The following SLC6A5 variants were observed in gnomAD, a reference collection of about 807,000 sequenced individuals.
The protein encoded by SLC6A5 is sodium- and chloride-dependent glycine transporter 2.
A neutral mutation model predicts 90.5 loss-of-function variants in SLC6A5; 58 were observed. The ratio of observed to expected loss-of-function variants is 0.64; its 90% CI spans 0.52 to 0.80. SLC6A5 has a LOEUF of 0.80. SLC6A5 is among the 30% of genes least tolerant of loss of function. The pLI is 0.00. For synonymous variants in SLC6A5, 427 were observed against 401.4 expected (o/e 1.06, Z -0.76); for missense variants, 1,015 against 1,017.6 (o/e 1.00, Z 0.03).
rs1853097864 is a variant in SLC6A5, at chr11:20,630,911, A to G, written c.1624+96A>G. The G allele has an allele frequency of 2.8e-6, 4 of 1,426,348 alleles. No homozygotes were observed. The Admixed American group carries it at 7.6e-5, about 27-fold the overall frequency. The allele number at this position is 1,426,348 out of a possible 1,614,324, so 88.4% of individuals were successfully genotyped here. A position where few individuals can be genotyped will look rare whatever the true frequency, so the allele number is the denominator to read the frequency against. On this transcript the variant is annotated intron_variant, in intron 10 of 15. Coordinates refer to ENST00000525748, the MANE Select transcript of SLC6A5 (RefSeq NM_004211.5). ...CTATGCTGGGAAGCTGGCCTTCTGG[A>G]ACAGGATAGAGGGTGGAGGAGCCCA...
At chr11:20,617,926 C>G in intron 7 of SLC6A5, 42 bp downstream of exon 7, 1 of 1,606,778 alleles carries the variant, frequency 6.2e-7, no homozygotes, top group African/African-American at 1.3e-5. Context: ...GTGAGACACC[C>G]AGGGGCGGTT....
intron 7 of SLC6A5, among the ~76,000 whole-genome samples, chr11:20,621,905 G>A (rs1852897590): frequency 6.6e-6 from 1 of 152,220 alleles, no homozygotes; most frequent in South Asian, 2.1e-4. Flanking sequence ...CAGGCAGCCT[G>A]AAGGTCAAAT....
Position 20,614,729 on chromosome 11 carries a change from T to C in SLC6A5, c.1036T>C (p.Phe346Leu), listed in dbSNP as rs1852752844. Residue 346 changes from phenylalanine (F) to leucine (L), a missense_variant, in exon 6 of 16, where the codon TTC becomes CTC. This residue lies in a region of SLC6A5 where 567 missense variants were observed against 507.3 expected (regional missense o/e 1.12). Transcript: ENST00000525748. ...CAAAATACAGATCAAGAACTCGACT[T>C]TCTGCATGACCGCTTATCCCAACGT... ...HPKIQIKNST[F>L]CMTAYPNVTM... 6.2e-7 allele frequency: 1 copy of C among 1,614,038 alleles called. No individual in the cohort carries two copies. The highest frequency in any genetic ancestry group is 8.5e-7 in the Non-Finnish European group (1 of 1,179,854).
rs570699830 is a variant in SLC6A5 at position 20,655,131 on chromosome 11, C to T, written c.*263C>T. Reference sequence around the variant, plus strand: ...TTGGTCCCCTGACCACACGTTTTACCCTGCAGAGGAGGATCAGTTAGGTGA... The same window carrying T: ...TTGGTCCCCTGACCACACGTTTTACTCTGCAGAGGAGGATCAGTTAGGTGA... On this transcript the variant is annotated 3_prime_UTR_variant, in exon 16 of 16. Coordinates refer to ENST00000525748, the MANE Select transcript of SLC6A5 (RefSeq NM_004211.5). 1.2e-3 allele frequency: 567 copies of T among 474,276 alleles called. 2 individuals are homozygous for T. Among genetic ancestry groups the T allele is most frequent in the Non-Finnish European group, 1.9e-3 (477 of 254,832 alleles). The allele number at this position is 474,276 out of a possible 1,614,324, so 29.4% of individuals were successfully genotyped here.
intron 10 of SLC6A5, among the ~76,000 whole-genome samples, chr11:20,634,887 C>A (rs1853174572): frequency 6.6e-6 from 1 of 152,152 alleles, no homozygotes. Context: ...TCCCGGCGCC[C>A]ACATTCACTT....
chr11:20,604,384 T>G lies in SLC6A5; in HGVS notation c.639T>G (p.Asn213Lys), dbSNP rs1168148789. 2 of 1,613,974 alleles carry G rather than the reference T, an allele frequency of 1.2e-6. No homozygotes were observed. The highest frequency in any genetic ancestry group is 1.7e-6 in the Non-Finnish European group (2 of 1,179,946). ...SMVGYAVGLG[N>K]VWRFPYLAFQ... is the part of the protein sequence containing the mutation. Reference sequence around the variant, plus strand: ...TGGGGTACGCAGTGGGGCTGGGCAATGTCTGGAGGTTTCCCTACCTGGCCT... The same window carrying G: ...TGGGGTACGCAGTGGGGCTGGGCAAGGTCTGGAGGTTTCCCTACCTGGCCT... Residue 213 changes from asparagine (N) to lysine (K), a missense_variant, in exon 3 of 16, where the codon AAT becomes AAG. Around this residue, in one of 3 missense-constraint regions of SLC6A5, gnomAD observed 567 missense variants for 507.3 expected, o/e 1.12. Transcript: ENST00000525748.
intron 8 of SLC6A5, among the ~76,000 whole-genome samples, chr11:20,627,519 T>G (rs10833369): frequency 0.31 from 46,741 of 152,094 alleles, 7,328 homozygotes; most frequent in South Asian, 0.41. Flanking sequence ...CTATAAAGTC[T>G]GCAGCGGCAT....
rs924756898 is a variant in SLC6A5, at chr11:20,626,928, A to G, written c.1395+86A>G. ...CAAAAAGGGTTAGACTTCCTCCTCC[A>G]GGGAATCCCAGTGTGTGCTTTTATA... On this transcript the variant is annotated intron_variant, in intron 8 of 15. Coordinates refer to ENST00000525748, the MANE Select transcript of SLC6A5 (RefSeq NM_004211.5). 1.3e-5 allele frequency: 14 copies of G among 1,053,774 alleles called. No homozygotes were observed. The African/African-American group carries it at 1.7e-4, about 13-fold the overall frequency. 65.3% of individuals were successfully genotyped at this position (1,053,774 alleles called of 1,614,324 possible). A position where few individuals can be genotyped will look rare whatever the true frequency, so the allele number is the denominator to read the frequency against.
intron 5 of SLC6A5, among the ~76,000 whole-genome samples, chr11:20,612,468 C>T (rs1021003069): frequency 3.9e-4 from 59 of 152,164 alleles, no homozygotes; most frequent in African/African-American, 1.3e-3. Context: ...TGCTCTTCCA[C>T]AGAGAACATA....
At chr11:20,620,613 G>T (rs571608581) in intron 7 of SLC6A5, among the ~76,000 whole-genome samples, 1 of 152,260 alleles carries the variant, frequency 6.6e-6, no homozygotes, top group South Asian at 2.1e-4. Context: ...TGTGTGCCAG[G>T]CACTGTGCTG....
At chr11:20,602,744 A>G (rs1463413122) in intron 2 of SLC6A5, among the ~76,000 whole-genome samples, 2 of 152,230 alleles carry the variant, frequency 1.3e-5, no homozygotes, top group African/African-American at 2.4e-5. Flanking sequence ...CCCACATAGC[A>G]GGAGCTTGTG....
In SLC6A5 at chr11:20,607,571, T is replaced by C; in HGVS notation, c.904T>C (p.Phe302Leu). 1 of 1,614,114 alleles carries C rather than the reference T, an allele frequency of 6.2e-7. No homozygotes were observed. Among genetic ancestry groups the C allele is most frequent in the South Asian group, 1.1e-5 (1 of 91,078 alleles). Reference protein sequence around the residue: ...CYTLFYLFASFVSVLPWGSCN... With the variant: ...CYTLFYLFASLVSVLPWGSCN... The stretch of plus-strand genomic sequence containing the variant: ...TACACTTTTCTACCTGTTTGCCTCC[T>C]TTGTGTCTGTACTACCCTGGGGCTC... Residue 302 changes from phenylalanine (F) to leucine (L), a missense_variant, in exon 5 of 16, where the codon TTT (phenylalanine) becomes CTT (leucine). Phe to Leu is a conservative substitution (Grantham distance 22). Transcript: ENST00000525748.
chr11:20,645,783 C>T (rs546316878), intron 13 of SLC6A5, among the ~76,000 whole-genome samples: 137 of 152,028 alleles, frequency 9.0e-4, no homozygotes, highest in African/African-American at 2.1e-3. Flanking sequence ...GGACTCTAGG[C>T]GCCCGCCACG....
chr11:20,647,465 A>T (rs1237403050), intron 14 of SLC6A5, among the ~76,000 whole-genome samples: 1 of 138,342 alleles, frequency 7.2e-6, no homozygotes, highest in Non-Finnish European at 1.5e-5. Context: ...ATATATATTT[A>T]TATATATATC....
chr11:20,629,721 T>A (rs1004709261), intron 9 of SLC6A5, among the ~76,000 whole-genome samples: 1 of 151,734 alleles, frequency 6.6e-6, no homozygotes, highest in Non-Finnish European at 1.5e-5. Context: ...CTCATAGTGC[T>A]GTAGGATGAT....
intron 10 of SLC6A5, among the ~76,000 whole-genome samples, chr11:20,633,812 T>A (rs771607970): frequency 2.0e-5 from 3 of 152,304 alleles, no homozygotes; most frequent in Non-Finnish European, 2.9e-5. Flanking sequence ...GAAACTAAAG[T>A]TTGTCTAGAG....
rs767630532 is a variant in SLC6A5, at chr11:20,652,402, G to T, written c.2184G>T (p.Trp728Cys). ...TAATGCTCGCCTGTTCCGTCATCTGGATCCCAATTATGTTTGTGATAAAAA... is the reference window on the plus strand; with the variant it reads ...TAATGCTCGCCTGTTCCGTCATCTGTATCCCAATTATGTTTGTGATAAAAA... ...GWLMLACSVIWIPIMFVIKMH... is the reference protein window; with the variant it reads ...GWLMLACSVICIPIMFVIKMH... Residue 728 changes from tryptophan (W) to cysteine (C), a missense_variant, in exon 15 of 16, where the codon TGG becomes TGT. Physicochemically the swap from Trp to Cys is radical, Grantham distance 215. Transcript: ENST00000525748. 2 of 1,614,042 alleles carry T rather than the reference G, an allele frequency of 1.2e-6. No individual in the cohort carries two copies. The highest frequency in any genetic ancestry group is 2.2e-5 in the East Asian group (1 of 44,878).
chr11:20,626,063 C>T (rs571469684), intron 7 of SLC6A5, among the ~76,000 whole-genome samples: 1 of 152,302 alleles, frequency 6.6e-6, no homozygotes, highest in African/African-American at 2.4e-5. Context: ...AAATCAGGCA[C>T]CATGCTAGGT....
At chr11:20,608,038 C>T (rs72927524) in intron 5 of SLC6A5, among the ~76,000 whole-genome samples, 31,444 of 152,170 alleles carry the variant, frequency 0.21, 3,871 homozygotes, top group Non-Finnish European at 0.27. Context: ...TTAGAAGCCC[C>T]GCCCTAGCCT....
Sources: gnomAD v4.1 joint callset for allele counts (sites outside exome capture counted in the v4.1 genomes callset) on GRCh38, gnomAD v4.1.1 for gene constraint, gnomAD v4.1.1 regional missense constraint, MANE v1.5 for transcripts, NCBI Gene and HGNC (gene_info 2026-07-23, HGNC 2026-07-21) for gene names.